The following IGF2BP1 variants were observed in gnomAD, a reference collection of about 807,000 sequenced individuals.
IGF2BP1 encodes the protein insulin like growth factor 2 mRNA binding protein 1, also known as insulin-like growth factor 2 mRNA-binding protein 1.
In IGF2BP1, 11 loss-of-function variants were observed where a neutral mutation model predicts 74.9. The observed-to-expected ratio is 0.15, with a 90% confidence interval of 0.09 to 0.24. IGF2BP1 has a LOEUF of 0.24. Among genes scored for constraint, IGF2BP1 ranks in the 10% least tolerant of loss-of-function variants. IGF2BP1 has a pLI of 1.00. For synonymous variants in IGF2BP1, 287 were observed against 281.8 expected (o/e 1.02, Z -0.18); for missense variants, 440 against 757.4 (o/e 0.58, Z 4.92).
At chr17:49,039,162 T>C (rs1299743665) in intron 6 of IGF2BP1, among the ~76,000 whole-genome samples, 2 of 152,090 alleles carry the variant, frequency 1.3e-5, no homozygotes, top group Non-Finnish European at 2.9e-5. Context: ...AGGCGTGAGC[T>C]ACCACACCCG....
At chr17:49,037,640 A>G (rs2042005034) in intron 5 of IGF2BP1, among the ~76,000 whole-genome samples, 1 of 152,242 alleles carries the variant, frequency 6.6e-6, no homozygotes, top group Non-Finnish European at 1.5e-5. Context: ...TTTGAATTCT[A>G]CATGTATACA....
In IGF2BP1 at chr17:49,031,900, T is replaced by G. The variant is rs760477769; in HGVS notation, c.338-10T>G. 3.2e-5 allele frequency: 51 copies of G among 1,613,076 alleles called. No individual in the cohort carries two copies. The Middle Eastern group carries it at 4.9e-4, about 16-fold the overall frequency. Reference sequence around the variant, plus strand: ...CCCTGCTCTGAGGTTATCCTCTCTTTTCTCTGCAGTGAACACCGAGAGTGA... The same window carrying G: ...CCCTGCTCTGAGGTTATCCTCTCTTGTCTCTGCAGTGAACACCGAGAGTGA... On this transcript the variant is annotated splice_polypyrimidine_tract_variant and intron_variant, in intron 4 of 14. Coordinates refer to ENST00000290341, the MANE Select transcript of IGF2BP1 (RefSeq NM_006546.4).
At chr17:49,032,461 T>C (rs1248628966) in intron 5 of IGF2BP1, among the ~76,000 whole-genome samples, 1 of 151,620 alleles carries the variant, frequency 6.6e-6, no homozygotes, top group Admixed American at 6.6e-5. Flanking sequence ...GGGGTCCTTT[T>C]AGTCCCATCG....
chr17:49,022,924 C>G (rs982622244), intron 2 of IGF2BP1, among the ~76,000 whole-genome samples: 2 of 152,266 alleles, frequency 1.3e-5, no homozygotes, highest in Non-Finnish European at 2.9e-5. Context: ...TGCCCTTCAT[C>G]CAGACATCCA....
chr17:49,016,937 C>T (rs1457293610), intron 2 of IGF2BP1, among the ~76,000 whole-genome samples: 1 of 151,146 alleles, frequency 6.6e-6, no homozygotes, highest in Non-Finnish European at 1.5e-5. Context: ...TTCTCAGCTA[C>T]TGCCATCCTG....
intron 4 of IGF2BP1, among the ~76,000 whole-genome samples, chr17:49,027,648 C>G (rs1156958600): frequency 6.6e-6 from 1 of 150,452 alleles, no homozygotes; most frequent in Non-Finnish European, 1.5e-5. Flanking sequence ...GTCAGGAGAT[C>G]GAGACCATCC....
chr17:49,025,372 G>A (rs1157110529), intron 2 of IGF2BP1, among the ~76,000 whole-genome samples: 1 of 145,838 alleles, frequency 6.9e-6, no homozygotes, highest in Non-Finnish European at 1.5e-5. Flanking sequence ...AATGTTAACA[G>A]AGTGCTTAGA....
chr17:49,049,403 C>G lies in IGF2BP1; in HGVS notation c.1693C>G (p.Gln565Glu). The G allele has an allele frequency of 6.2e-7, 1 of 1,614,162 alleles. No individual in the cohort carries two copies. The highest frequency in any genetic ancestry group is 1.1e-5 in the South Asian group (1 of 91,062). Residue 565 changes from glutamine to glutamate, a missense_variant, in exon 15 of 15, where the codon CAG becomes GAG. Transcript: ENST00000290341. ...CCTGGCCCAGGTTAAGCAGCAGCAT[C>G]AGAAGGGACAGAGTAACCAGGCCCA... ...DILAQVKQQH[Q>E]KGQSNQAQAR...
intron 2 of IGF2BP1, among the ~76,000 whole-genome samples, chr17:49,004,111 T>C (rs1183118952): frequency 6.6e-6 from 1 of 151,602 alleles, no homozygotes; most frequent in Admixed American, 6.6e-5. Context: ...CGCTCTGAGG[T>C]GGGGCCGCCC....
intron 2 of IGF2BP1, among the ~76,000 whole-genome samples, chr17:49,018,657 C>G (rs200813476): frequency 7.8e-6 from 1 of 127,434 alleles, no homozygotes; most frequent in Non-Finnish European, 1.7e-5. Flanking sequence ...GGAACTGTTT[C>G]AAAAAAAAAA....
At chr17:49,016,191 G>T (rs2041699204) in intron 2 of IGF2BP1, among the ~76,000 whole-genome samples, 1 of 152,222 alleles carries the variant, frequency 6.6e-6, no homozygotes, top group African/African-American at 2.4e-5. Flanking sequence ...GGAGTTTGGT[G>T]CAGTGAGCAC....
chr17:49,015,044 GC>G, intron 2 of IGF2BP1: 1 of 607,018 alleles, frequency 1.6e-6, no homozygotes, highest in Non-Finnish European at 2.1e-6. Context: ...GTGTCCTGTC[GC>G]CCAGGCTGGA....
At position 48,998,045 on chromosome 17, in the gene IGF2BP1, C is replaced by T. The variant is rs896295218; in HGVS notation, c.175+125C>T. The T allele has an allele frequency of 1.4e-5, 13 of 958,582 alleles. No homozygotes were observed. In the African/African-American group the frequency reaches 2.0e-4, roughly 15 times the overall value. 59.4% of individuals were successfully genotyped at this position (958,582 alleles called of 1,614,324 possible). A position where few individuals can be genotyped will look rare whatever the true frequency, so the allele number is the denominator to read the frequency against. On this transcript the variant is annotated intron_variant, in intron 1 of 14. Coordinates refer to ENST00000290341, the MANE Select transcript of IGF2BP1 (RefSeq NM_006546.4). The stretch of plus-strand genomic sequence containing the variant: ...GGCCTGCGGGGTTTGGCCTCCGTAC[C>T]CACCCTCGACCTACCCCCTTCGATG...
intron 4 of IGF2BP1, among the ~76,000 whole-genome samples, chr17:49,029,248 G>A (rs2041893731): frequency 6.6e-6 from 1 of 152,196 alleles, no homozygotes; most frequent in Non-Finnish European, 1.5e-5. Flanking sequence ...TCCAGTCACT[G>A]GAAGATTGTT....
At chr17:49,018,234 C>T (rs575562112) in intron 2 of IGF2BP1, among the ~76,000 whole-genome samples, 6 of 152,268 alleles carry the variant, frequency 3.9e-5, no homozygotes, top group East Asian at 3.9e-4. Context: ...AGAATGGCTC[C>T]GAGCAGCTGG....
At chr17:49,031,829 C>T (rs1157816664) in intron 4 of IGF2BP1, 81 bp from the exon 5 acceptor site, 7 of 1,265,750 alleles carry the variant, frequency 5.5e-6, no homozygotes, top group African/African-American at 1.5e-5. Flanking sequence ...GATCTCAAAA[C>T]GTGGAAAGCT....
chr17:49,042,881 G>C (rs922351208), intron 9 of IGF2BP1, among the ~76,000 whole-genome samples: 1 of 152,022 alleles, frequency 6.6e-6, no homozygotes, highest in Non-Finnish European at 1.5e-5. Flanking sequence ...ACAGGGTCTT[G>C]CTGTGTCACC....
Position 48,998,000 on chromosome 17 carries a change from C to G in IGF2BP1, c.175+80C>G. 6.7e-7 allele frequency: 1 copy of G among 1,495,090 alleles called. No individual in the cohort carries two copies. The highest frequency in any genetic ancestry group is 9.1e-7 in the Non-Finnish European group (1 of 1,098,560). The allele number at this position is 1,495,090 out of a possible 1,614,324, so 92.6% of individuals were successfully genotyped here. A position where few individuals can be genotyped will look rare whatever the true frequency, so the allele number is the denominator to read the frequency against. ...GACCCGCACCTTCCGGTTCCTCTCC[C>G]GCCAACTCCTCTCTTCCCGGGCCTG... On this transcript the variant is annotated intron_variant, in intron 1 of 14. Coordinates refer to ENST00000290341, the MANE Select transcript of IGF2BP1 (RefSeq NM_006546.4). The surrounding 1 kb of genome is among the most constrained non-coding windows in gnomAD (Gnocchi z 4.8).
chr17:49,011,688 CAA>C (rs879470655), intron 2 of IGF2BP1, among the ~76,000 whole-genome samples: 3 of 129,868 alleles, frequency 2.3e-5, no homozygotes, highest in Admixed American at 7.8e-5. Flanking sequence ...GACCCTGTTC[CAA>C]AAAAAAAAAA....
Sources: gnomAD v4.1 joint callset for allele counts (sites outside exome capture counted in the v4.1 genomes callset) on GRCh38, gnomAD v4.1.1 for gene constraint, Gnocchi (gnomAD v3.1) non-coding constraint, MANE v1.5 for transcripts, NCBI Gene and HGNC (gene_info 2026-07-23, HGNC 2026-07-21) for gene names.